The following RPH3AL variants were observed in gnomAD, a reference collection of about 807,000 sequenced individuals.
The protein encoded by RPH3AL is rab effector Noc2.
Under a neutral mutation model 43.1 loss-of-function variants are expected in RPH3AL, and 38 were observed. The ratio of observed to expected loss-of-function variants is 0.88; its 90% confidence interval spans 0.68 to 1.15. The LOEUF is 1.15. Among genes scored for constraint, RPH3AL ranks in the 50% most tolerant of loss-of-function variants. RPH3AL has a pLI of 0.00. For synonymous variants in RPH3AL, 189 were observed against 176.3 expected (o/e 1.07, Z -0.57); for missense variants, 462 against 423.2 (o/e 1.09, Z -0.81).
At chr17:302,684 G>GT (rs1285347086) in intron 5 of RPH3AL, among the ~76,000 whole-genome samples, 4 of 152,234 alleles carry the variant, frequency 2.6e-5, no homozygotes, top group Non-Finnish European at 5.9e-5. Context: ...TGCCCAGCAG[G>GT]TGTGTGAGCC....
At chr17:285,219 C>T (rs1051769420) in intron 5 of RPH3AL, among the ~76,000 whole-genome samples, 4 of 152,158 alleles carry the variant, frequency 2.6e-5, no homozygotes, top group East Asian at 1.9e-4. Context: ...GCACCTCACG[C>T]CATCCTGCGC....
At position 336,335 on chromosome 17, in the gene RPH3AL, C is replaced by T. The variant is rs185134273; in HGVS notation, c.-212-2401G>A. Among the ~76,000 whole-genome samples the T allele has an allele frequency of 1.4e-3, 219 of 152,284 alleles. 1 individual carries two copies. The highest frequency in any genetic ancestry group is 5.1e-3 in the African/African-American group (212 of 41,560). On this transcript the variant is annotated intron_variant, in intron 1 of 9. Coordinates refer to ENST00000331302, the MANE Select transcript of RPH3AL (RefSeq NM_006987.4). Reference sequence around the variant, plus strand: ...AGGGAGCCTCAAAGGCCTGTCTAAACGCCCAAAGAACCACTCACTCGGAAG... The same window carrying T: ...AGGGAGCCTCAAAGGCCTGTCTAAATGCCCAAAGAACCACTCACTCGGAAG...
At position 242,385 on chromosome 17, in the gene RPH3AL, C is replaced by A. The variant is rs71372187; in HGVS notation, c.613+4726G>T. Among the ~76,000 whole-genome samples, 6 of 6,588 alleles carry A rather than the reference C, an allele frequency of 9.1e-4. No individual in the cohort carries two copies. In the East Asian group the frequency reaches 0.014, roughly 15 times the overall value. The allele number at this position is 6,588 out of a possible 152,430, so 4.3% of individuals were successfully genotyped here. A position where few individuals can be genotyped will look rare whatever the true frequency, so the allele number is the denominator to read the frequency against. On this transcript the variant is annotated intron_variant, in intron 7 of 9. Coordinates refer to ENST00000331302, the MANE Select transcript of RPH3AL (RefSeq NM_006987.4). ...TCTATTGACTACCTTCCTCTATTGA[C>A]TACCTTCCTCTATTGACTACCTTCC...
rs144718442 is a variant in RPH3AL at position 247,272 on chromosome 17, G to A, written c.452C>T (p.Ser151Leu). 1.1e-5 allele frequency: 17 copies of A among 1,588,888 alleles called. No homozygotes were observed. The highest frequency in any genetic ancestry group is 9.4e-5 in the African/African-American group (7 of 74,394). ...CSEQREVWKR[S>L]GAWFYKGLPK... ...GAGCCCTTTGTAGAACCAGGCCCCC[G>A]ACCTCTTCCAGACCTGAGTGGGGGA... The change falls in exon 7 of 10, where the codon TCG (serine) becomes TTG (leucine). Residue 151 changes from serine to leucine, a missense_variant. By Grantham distance (145) the Ser-to-Leu change is moderately radical. Transcript: ENST00000331302.
chr17:308,020 C>T (rs939140236), intron 5 of RPH3AL, among the ~76,000 whole-genome samples: 15 of 152,206 alleles, frequency 9.9e-5, no homozygotes, highest in East Asian at 5.8e-4. Context: ...GCAGGCCCCT[C>T]GGGGCAGAAG....
At chr17:253,676 G>A (rs1011372664) in intron 6 of RPH3AL, among the ~76,000 whole-genome samples, 8 of 133,918 alleles carry the variant, frequency 6.0e-5, no homozygotes, top group African/African-American at 1.8e-4. Flanking sequence ...CCCTAGGAAC[G>A]TTACTACCCT....
chr17:321,642 C>CAACAGAGA (rs1393868808), intron 3 of RPH3AL: 40 of 471,644 alleles, frequency 8.5e-5, no homozygotes, highest in South Asian at 2.8e-4. Context: ...GTTCCGTGTG[C>CAACAGAGA]CGGGGTTGGG....
At chr17:256,388 C>T (rs371565981) in intron 6 of RPH3AL, among the ~76,000 whole-genome samples, 11 of 854 alleles carry the variant, frequency 0.013, no homozygotes, top group Non-Finnish European at 0.014. Flanking sequence ...ATGAGGGGAG[C>T]CGCACGGCGT....
chr17:334,672 G>A (rs4309466), intron 1 of RPH3AL, among the ~76,000 whole-genome samples: 93 of 112,544 alleles, frequency 8.3e-4, no homozygotes, highest in South Asian at 2.3e-3. Context: ...GGGCCAGCCC[G>A]TCCACTGTGG....
intron 7 of RPH3AL, among the ~76,000 whole-genome samples, chr17:224,385 C>T (rs889785270): frequency 2.6e-5 from 4 of 152,208 alleles, no homozygotes; most frequent in African/African-American, 4.8e-5. Context: ...CAGCACCTCC[C>T]GCTGGGACTG....
intron 1 of RPH3AL, chr17:338,935 A>G (rs1023920758): frequency 1.3e-5 from 2 of 152,704 alleles, no homozygotes. Flanking sequence ...GCAGCGTCCC[A>G]CACCCCTGCC....
At chr17:316,591 TCCC>T (rs2044213957) in intron 5 of RPH3AL, among the ~76,000 whole-genome samples, 2 of 140,778 alleles carry the variant, frequency 1.4e-5, no homozygotes, top group Admixed American at 7.2e-5. Flanking sequence ...TGACCTGTAG[TCCC>T]TGTGCTCCAC....
intron 6 of RPH3AL, among the ~76,000 whole-genome samples, chr17:256,101 G>A (rs2042044726): frequency 7.3e-5 from 1 of 13,702 alleles, no homozygotes; most frequent in Non-Finnish European, 2.1e-4. Context: ...ACTACCCTAC[G>A]TACTTCCTAT....
At chr17:271,883 A>G (rs1418614632) in intron 6 of RPH3AL, among the ~76,000 whole-genome samples, 1 of 152,238 alleles carries the variant, frequency 6.6e-6, no homozygotes, top group Non-Finnish European at 1.5e-5. Flanking sequence ...TCCAGAATCT[A>G]CAAAGAACTT....
chr17:252,942 G>A (rs1385535074), intron 6 of RPH3AL, among the ~76,000 whole-genome samples: 2 of 152,200 alleles, frequency 1.3e-5, no homozygotes, highest in Non-Finnish European at 2.9e-5. Flanking sequence ...GGACTGCAGG[G>A]TCGAGAACTG....
intron 5 of RPH3AL, among the ~76,000 whole-genome samples, chr17:314,203 A>T (rs58794169): frequency 1.3e-5 from 2 of 151,978 alleles, no homozygotes; most frequent in Non-Finnish European, 2.9e-5. Flanking sequence ...GTGGGCCAGG[A>T]TCTGTGCCTC....
chr17:333,268 T>C lies in RPH3AL; in HGVS notation c.-37+491A>G. 1 of 1,288,246 alleles carries C rather than the reference T, an allele frequency of 7.8e-7. No homozygotes were observed. Among genetic ancestry groups the C allele is most frequent in the Non-Finnish European group, 1.0e-6 (1 of 988,672 alleles). 79.8% of individuals were successfully genotyped at this position (1,288,246 alleles called of 1,614,324 possible). ...TCACTGCAGACACAGAGACGGCCAT[T>C]ATGCAGCCTCACGTGGTCACTCCTG... On this transcript the variant is annotated intron_variant, in intron 2 of 9. Transcript: ENST00000331302. The surrounding 1 kb of genome is among the most constrained non-coding windows in gnomAD (Gnocchi z 4.5).
intron 6 of RPH3AL, among the ~76,000 whole-genome samples, chr17:258,355 A>G (rs937025370): frequency 3.9e-5 from 6 of 152,232 alleles, no homozygotes; most frequent in African/African-American, 1.4e-4. Context: ...GTTTGCTGCA[A>G]CGTGTCTCAA....
At chr17:349,586 C>A (rs1360642935) in intron 1 of RPH3AL, among the ~76,000 whole-genome samples, 1 of 152,098 alleles carries the variant, frequency 6.6e-6, no homozygotes, top group Non-Finnish European at 1.5e-5. Context: ...CTTTGGGAGG[C>A]CAAGGTGGGA....
Sources: allele counts gnomAD v4.1 joint callset (sites outside exome capture counted in the v4.1 genomes callset), GRCh38; gene constraint gnomAD v4.1.1; non-coding constraint Gnocchi (gnomAD v3.1); transcripts MANE v1.5; gene names NCBI Gene and HGNC (gene_info 2026-07-23, HGNC 2026-07-21).